Variants in TRMT11 observed in about 807,000 individuals in gnomAD.
TRMT11 encodes tRNA (guanine(10)-N(2))-methyltransferase TRMT11.
In TRMT11, 53 loss-of-function variants were observed where a neutral mutation model predicts 62.8. The ratio of observed to expected loss-of-function variants is 0.84; its 90% CI spans 0.68 to 1.06. The LOEUF (loss-of-function observed/expected upper bound fraction) is 1.06, where lower values mean the gene tolerates loss of function less well. TRMT11 is among the 50% of genes least tolerant of loss of function. The probability of loss-of-function intolerance (pLI) is 0.00; values close to 1 mark genes in which losing one functional copy is unlikely to be tolerated. For missense variants in TRMT11, 556 were observed against 553.4 expected (o/e 1.00, Z -0.05); for synonymous variants, 188 against 190.3 (o/e 0.99, Z 0.10).
chr6:126,104,805 A>T (rs1777445883), intron 17 of TRMT11, among the ~76,000 whole-genome samples: 1 of 152,188 alleles, frequency 6.6e-6, no homozygotes, highest in South Asian at 2.1e-4. Context: ...CTTAATCTTC[A>T]TGAAAACCCT....
rs756216788 is a variant in TRMT11 at position 126,012,808 on chromosome 6, T to A, written c.963T>A (p.Gly321=). Residue 321 remains glycine (G), a synonymous_variant, in exon 10 of 13, where the codon GGT becomes GGA. Coordinates refer to ENST00000334379, the MANE Select transcript of TRMT11 (RefSeq NM_001031712.3). ...YGIRESTRRT[G]SQKEIPKGIE... ...TCAGAGAATCTACAAGAAGAACAGGTTCACAGAAGGAGATACCAAAGGGGA... is the reference window on the plus strand; with the variant it reads ...TCAGAGAATCTACAAGAAGAACAGGATCACAGAAGGAGATACCAAAGGGGA... 5.6e-6 allele frequency: 9 copies of A among 1,613,816 alleles called. No individual in the cohort carries two copies. The Admixed American group carries it at 1.0e-4, about 18-fold the overall frequency.
chr6:125,986,744 C>A, intron 1 of TRMT11, 122 bp downstream of exon 1: 1 of 917,402 alleles, frequency 1.1e-6, no homozygotes, highest in Non-Finnish European at 1.6e-6. Context: ...CTGGTCTGCG[C>A]GGGTCACGCG....
the TRMT11 span, among the ~76,000 whole-genome samples, chr6:126,244,390 T>A: frequency 1.3e-5 from 2 of 152,210 alleles, no homozygotes; most frequent in South Asian, 4.1e-4. Context: ...AAGTCTCTTC[T>A]CTCTCTTCCC....
chr6:126,055,119 T>C (rs746004056), intron 17 of TRMT11, among the ~76,000 whole-genome samples: 29 of 152,140 alleles, frequency 1.9e-4, no homozygotes, highest in Non-Finnish European at 3.2e-4. Context: ...CACATGGCAC[T>C]TCACTCATCT....
the TRMT11 span, among the ~76,000 whole-genome samples, chr6:126,239,711 T>C: frequency 6.6e-6 from 1 of 152,170 alleles, no homozygotes; most frequent in African/African-American, 2.4e-5. Flanking sequence ...TCGAGGAGTA[T>C]CTTTGTGGCA....
chr6:126,155,813 C>T (rs1026591307), intron 21 of TRMT11, among the ~76,000 whole-genome samples: 1 of 152,164 alleles, frequency 6.6e-6, no homozygotes. Flanking sequence ...CTCTGCCTCC[C>T]AGGTTCACGC....
Position 126,062,756 on chromosome 6 carries a change from G to A in TRMT11, c.*1437+9566G>A, listed in dbSNP as rs558520117. Among the ~76,000 whole-genome samples, 4 of 152,132 alleles carry A rather than the reference G, an allele frequency of 2.6e-5. No homozygotes were observed. The South Asian group carries it at 8.3e-4, about 32-fold the overall frequency. ...GCATAAAAATTCACACATCTTTCCCGTAAATGTGTTTCTTTATTTTTTATT... is the reference window on the plus strand; with the variant it reads ...GCATAAAAATTCACACATCTTTCCCATAAATGTGTTTCTTTATTTTTTATT... On this transcript the variant is annotated intron_variant and NMD_transcript_variant, in intron 17 of 22. Transcript: ENST00000648977.
chr6:126,040,086 A>G (rs932128174), downstream of TRMT11, among the ~76,000 whole-genome samples: 2 of 152,080 alleles, frequency 1.3e-5, no homozygotes, highest in African/African-American at 4.8e-5. Context: ...TGTTTAAACC[A>G]TCTTATTTAA....
intron 17 of TRMT11, among the ~76,000 whole-genome samples, chr6:126,057,516 G>A (rs908255875): frequency 1.3e-5 from 2 of 152,210 alleles, no homozygotes; most frequent in African/African-American, 2.4e-5. Context: ...AGTGTTGAAT[G>A]TAAATCAGAG....
chr6:126,250,900 C>T, the TRMT11 span, among the ~76,000 whole-genome samples: 4 of 152,042 alleles, frequency 2.6e-5, no homozygotes, highest in East Asian at 5.8e-4. Flanking sequence ...TCTTTGCCAT[C>T]CAGAAATTAT....
At chr6:126,193,057 G>A (rs1267524424) in intron 1 of TRMT11, among the ~76,000 whole-genome samples, 1 of 152,102 alleles carries the variant, frequency 6.6e-6, no homozygotes, top group East Asian at 1.9e-4. Flanking sequence ...AATTCGTCAT[G>A]TTCTGGGCTT....
chr6:125,993,461 A>C (rs1347888860), intron 1 of TRMT11, among the ~76,000 whole-genome samples: 1 of 152,200 alleles, frequency 6.6e-6, no homozygotes. Context: ...CGTCAGTCTT[A>C]CTAATCTGCA....
the TRMT11 span, among the ~76,000 whole-genome samples, chr6:126,210,979 CCT>C: frequency 1.0e-5 from 1 of 100,004 alleles, no homozygotes; most frequent in African/African-American, 4.9e-5. Flanking sequence ...GATAACATTC[CCT>C]TTTTTTTTTT....
chr6:126,205,292 C>T (rs1156645266), downstream of TRMT11, among the ~76,000 whole-genome samples: 1 of 152,162 alleles, frequency 6.6e-6, no homozygotes, highest in African/African-American at 2.4e-5. Flanking sequence ...GTCACGAGGT[C>T]AGGAGTTCAA....
rs760789930 is a variant in TRMT11, at chr6:126,012,989, G to A, written c.1027G>A (p.Val343Ile). ...WEKCPESHVP[V>I]SLSYHLSDMF... ...GTGTAGTCCAGAAAGCCATGTTCCTGTTTCCTTGAGTTATCATCTGAGTGA... is the reference window on the plus strand; with the variant it reads ...GTGTAGTCCAGAAAGCCATGTTCCTATTTCCTTGAGTTATCATCTGAGTGA... The change falls in exon 11 of 13, where the codon GTT becomes ATT. Residue 343 changes from valine (V) to isoleucine (I), a missense_variant. Transcript: ENST00000334379. 56 of 1,613,048 alleles carry A rather than the reference G, an allele frequency of 3.5e-5. No individual in the cohort carries two copies. The highest frequency in any genetic ancestry group is 4.7e-5 in the Non-Finnish European group (55 of 1,179,438).
intron 17 of TRMT11, among the ~76,000 whole-genome samples, chr6:126,091,996 C>T (rs527694902): frequency 1.2e-3 from 184 of 152,272 alleles, no homozygotes; most frequent in Non-Finnish European, 1.8e-3. Flanking sequence ...TCATCACCTA[C>T]GTCTACGAGT....
chr6:126,021,376 C>T (rs2127990374), intron 12 of TRMT11, 96 bp downstream of exon 12: 3 of 1,397,928 alleles, frequency 2.1e-6, no homozygotes, highest in Middle Eastern at 2.5e-4. Context: ...AAATGTTATT[C>T]CTTGATATTT....
chr6:125,993,899 T>A, intron 2 of TRMT11, 77 bp downstream of exon 2: 1 of 800,320 alleles, frequency 1.2e-6, no homozygotes, highest in Admixed American at 2.5e-5. Context: ...GAAGTGCATA[T>A]CTTAAATTTA....
chr6:126,169,041 A>G (rs1045488333), intron 21 of TRMT11, among the ~76,000 whole-genome samples: 1 of 152,236 alleles, frequency 6.6e-6, no homozygotes, highest in Non-Finnish European at 1.5e-5. Flanking sequence ...ATTAACATTT[A>G]AAAATCAGGA....
Sources: allele counts gnomAD v4.1 joint callset (sites outside exome capture counted in the v4.1 genomes callset), GRCh38; gene constraint gnomAD v4.1.1; transcripts MANE v1.5; gene names NCBI Gene and HGNC (gene_info 2026-07-23, HGNC 2026-07-21).